The following MAPK4 variants were observed in gnomAD, a reference collection of about 807,000 sequenced individuals.
MAPK4 encodes the protein mitogen-activated protein kinase 4.
In MAPK4, 22 loss-of-function variants were observed where a neutral mutation model predicts 47.7. That is an observed-to-expected ratio of 0.46 (90% CI 0.33 to 0.66). The LOEUF (loss-of-function observed/expected upper bound fraction) is 0.66. Ranked by LOEUF, MAPK4 falls within the 30% of genes least tolerant of loss-of-function variation. The pLI is 0.02. For synonymous variants in MAPK4, 390 were observed against 365.7 expected, an observed-to-expected ratio of 1.07 and a Z score of -0.76; for missense variants, 736 against 831.7, an observed-to-expected ratio of 0.88 and a Z score of 1.42.
intron 1 of MAPK4, among the ~76,000 whole-genome samples, chr18:50,589,371 C>T (rs981328560): frequency 7.9e-5 from 12 of 152,160 alleles, no homozygotes; most frequent in African/African-American, 2.2e-4. Context: ...CCGAGGCGGG[C>T]GGATCACGAG....
intron 1 of MAPK4, among the ~76,000 whole-genome samples, chr18:50,636,552 C>T (rs2042890655): frequency 6.6e-6 from 1 of 152,218 alleles, no homozygotes; most frequent in African/African-American, 2.4e-5. Flanking sequence ...TGCATGAGAC[C>T]CATGGGGTGA....
At chr18:50,688,777 G>T (rs990572292) in intron 2 of MAPK4, among the ~76,000 whole-genome samples, 7 of 151,532 alleles carry the variant, frequency 4.6e-5, no homozygotes, top group African/African-American at 1.7e-4. Flanking sequence ...ACTACAAATT[G>T]GGTTCAGTCT....
Position 50,726,111 on chromosome 18 carries a change from G to T in MAPK4, c.1003G>T (p.Asp335Tyr). 6.2e-7 allele frequency: 1 copy of T among 1,614,122 alleles called. No homozygotes were observed. Among genetic ancestry groups the T allele is most frequent in the Non-Finnish European group, 8.5e-7 (1 of 1,180,010 alleles). Residue 335 changes from aspartate (D) to tyrosine (Y), a missense_variant, in exon 5 of 6, where the codon GAC becomes TAC. Asp to Tyr is a radical substitution (Grantham distance 160, BLOSUM62 -3). This residue lies in a region of MAPK4 where 377 missense variants were observed against 378.6 expected (regional missense o/e 1.00). Transcript: ENST00000400384. ...CCCCTTCCGCATTGAGGATGAGATC[G>T]ACGACATCGTGCTGATGGCCGCTAA... is the stretch of plus-strand genomic sequence containing the variant. ...QHPFRIEDEI[D>Y]DIVLMAANQS...
Position 50,663,970 on chromosome 18 carries a change from G to A in MAPK4, c.12G>A (p.Lys4=), listed in dbSNP as rs1907430740. 7 of 1,611,260 alleles carry A rather than the reference G, an allele frequency of 4.3e-6. No homozygotes were observed. Among genetic ancestry groups the A allele is most frequent in the Non-Finnish European group, 5.9e-6 (7 of 1,178,170 alleles). ...TCACTGAGCCCACAATGGCTGAGAA[G>A]GGTGACTGCATCGCCAGTGTCTATG... The part of the protein sequence containing the change: MAE[K]GDCIASVYGY... The change falls in exon 2 of 6, where the codon AAG becomes AAA. Residue 4 remains lysine, a synonymous_variant. Transcript: ENST00000400384.
rs964681790 is a variant in MAPK4, at chr18:50,730,951, C to T, written c.*1097C>T. 6.6e-6 allele frequency: 1 copy of T among 152,252 alleles called. No homozygotes were observed. Among genetic ancestry groups the T allele is most frequent in the African/African-American group, 2.4e-5 (1 of 41,438 alleles). 9.4% of individuals were successfully genotyped at this position (152,252 alleles called of 1,614,324 possible). ...TTAGGAGAGAAGGTTTCACATGGGA[C>T]CCAACATCCTTCATCAATACTTTCC... On this transcript the variant is annotated 3_prime_UTR_variant, in exon 6 of 6. Coordinates refer to ENST00000400384, the MANE Select transcript of MAPK4 (RefSeq NM_002747.4).
intron 1 of MAPK4, among the ~76,000 whole-genome samples, chr18:50,569,288 C>G (rs1050779743): frequency 2.6e-5 from 4 of 151,980 alleles, no homozygotes; most frequent in African/African-American, 9.7e-5. Context: ...AGCATTTTTT[C>G]TTTTTCACTG....
At chr18:50,642,742 T>C (rs1374569385) in intron 1 of MAPK4, among the ~76,000 whole-genome samples, 1 of 152,072 alleles carries the variant, frequency 6.6e-6, no homozygotes, top group African/African-American at 2.4e-5. Flanking sequence ...CCTGCAAAAG[T>C]AAAGGTAAAC....
At chr18:50,697,552 C>CA (rs1909580364) in intron 2 of MAPK4, among the ~76,000 whole-genome samples, 1 of 152,160 alleles carries the variant, frequency 6.6e-6, no homozygotes, top group Admixed American at 6.5e-5. Context: ...TCCTGTTCAG[C>CA]AAAATGAGAG....
intron 1 of MAPK4, among the ~76,000 whole-genome samples, chr18:50,658,584 T>C (rs1568066494): frequency 6.6e-6 from 1 of 152,236 alleles, no homozygotes; most frequent in African/African-American, 2.4e-5. Context: ...CATCATGTCC[T>C]CTTTACCATC....
chr18:50,729,906 C>G lies in MAPK4; in HGVS notation c.*52C>G. The G allele has an allele frequency of 6.8e-7, 1 of 1,477,400 alleles. No individual in the cohort carries two copies. The highest frequency in any genetic ancestry group is 9.0e-7 in the Non-Finnish European group (1 of 1,106,474). The allele number at this position is 1,477,400 out of a possible 1,614,324, so 91.5% of individuals were successfully genotyped here. A position where few individuals can be genotyped will look rare whatever the true frequency, so the allele number is the denominator to read the frequency against. On this transcript the variant is annotated 3_prime_UTR_variant, in exon 6 of 6. Transcript: ENST00000400384. ...CAGAGCAGGAGACCCCCAGAGAAAGCCGGGGCTGGCAGGAGGCGGCCGCCC... is the reference window on the plus strand; with the variant it reads ...CAGAGCAGGAGACCCCCAGAGAAAGGCGGGGCTGGCAGGAGGCGGCCGCCC...
At chr18:50,619,918 G>GT (rs1212106022) in intron 1 of MAPK4, among the ~76,000 whole-genome samples, 1 of 152,238 alleles carries the variant, frequency 6.6e-6, no homozygotes, top group African/African-American at 2.4e-5. Context: ...GGAGGCTGGC[G>GT]TAAGTAGAGA....
rs77898737 is a variant in MAPK4 at position 50,661,192 on chromosome 18, T to C, written c.-870-1897T>C. ...GCAATTGCCTCTTTTTGCTATGCCC[T>C]TGGGAGTCAGACCAGGCTTGTGGGG... is the stretch of plus-strand genomic sequence containing the variant. On this transcript the variant is annotated intron_variant, in intron 1 of 5. Transcript: ENST00000400384. Among the ~76,000 whole-genome samples, 641 of 152,302 alleles carry C rather than the reference T, an allele frequency of 4.2e-3. 4 individuals are homozygous for C. The highest frequency in any genetic ancestry group is 0.015 in the African/African-American group (609 of 41,562).
intron 2 of MAPK4, among the ~76,000 whole-genome samples, chr18:50,686,902 G>A (rs1289663034): frequency 6.6e-6 from 1 of 152,198 alleles, no homozygotes; most frequent in East Asian, 1.9e-4. Context: ...CTTATACTCT[G>A]CCACTAGTGT....
At position 50,726,043 on chromosome 18, in the gene MAPK4, T is replaced by C; in HGVS notation, c.935T>C (p.Met312Thr). 1 of 1,614,106 alleles carries C rather than the reference T, an allele frequency of 6.2e-7. No homozygotes were observed. The highest frequency in any genetic ancestry group is 8.5e-7 in the Non-Finnish European group (1 of 1,180,000). ...TAEMGLQHPY[M>T]SPYSCPEDEP... is the part of the protein sequence containing the mutation. ...GAGATGGGGCTGCAACACCCCTACA[T>C]GAGCCCATACTCGTGCCCTGAGGAC... is the stretch of plus-strand genomic sequence containing the variant. The change falls in exon 5 of 6, where the codon ATG becomes ACG. Residue 312 changes from methionine (M) to threonine (T), a missense_variant. By Grantham distance (81) the Met-to-Thr change is moderately conservative. Transcript: ENST00000400384.
intron 1 of MAPK4, among the ~76,000 whole-genome samples, chr18:50,591,944 T>G (rs1356216610): frequency 6.6e-6 from 1 of 152,118 alleles, no homozygotes; most frequent in Non-Finnish European, 1.5e-5. Flanking sequence ...GAAGGGGGAC[T>G]AGTATGGTCT....
At chr18:50,683,211 C>T (rs1207405382) in intron 2 of MAPK4, among the ~76,000 whole-genome samples, 1 of 152,076 alleles carries the variant, frequency 6.6e-6, no homozygotes, top group Non-Finnish European at 1.5e-5. Context: ...TCTCCATCCC[C>T]CAGGTTCAAG....
chr18:50,569,573 C>T (rs1568030062), intron 1 of MAPK4, among the ~76,000 whole-genome samples: 1 of 152,208 alleles, frequency 6.6e-6, no homozygotes, highest in African/African-American at 2.4e-5. Flanking sequence ...GGAGACAATA[C>T]AGTCGTGGGT....
At chr18:50,721,172 G>A (rs574460306) in intron 3 of MAPK4, among the ~76,000 whole-genome samples, 1 of 152,312 alleles carries the variant, frequency 6.6e-6, no homozygotes, top group Non-Finnish European at 1.5e-5. Context: ...AATGCCATAC[G>A]GTGGCCAGTG....
rs758995326 is a variant in MAPK4 at position 50,726,165 on chromosome 18, T to C, written c.1057T>C (p.Cys353Arg). The C allele has an allele frequency of 6.2e-6, 10 of 1,613,978 alleles. No individual in the cohort carries two copies. Among genetic ancestry groups the C allele is most frequent in the South Asian group, 4.4e-5 (4 of 91,082 alleles). ...GAGCCAGCTGTCCAACTGGGACACGTGCAGTTCCAGGTGCTCGCAGCCCTG... is the reference window on the plus strand; with the variant it reads ...GAGCCAGCTGTCCAACTGGGACACGCGCAGTTCCAGGTGCTCGCAGCCCTG... ...NQSQLSNWDT[C>R]SSRYPVSLSS... The change falls in exon 5 of 6, where the codon TGC becomes CGC. Residue 353 changes from cysteine to arginine, a missense_variant. Coordinates refer to ENST00000400384, the MANE Select transcript of MAPK4 (RefSeq NM_002747.4).
Sources: gnomAD v4.1 joint callset for allele counts (sites outside exome capture counted in the v4.1 genomes callset) on GRCh38, gnomAD v4.1.1 for gene constraint, gnomAD v4.1.1 regional missense constraint, MANE v1.5 for transcripts, NCBI Gene and HGNC (gene_info 2026-07-23, HGNC 2026-07-21) for gene names.